The following NME8 variants were observed in gnomAD, a reference collection of about 807,000 sequenced individuals.
NME8 encodes the protein protein NME8.
In NME8, 72 loss-of-function variants were observed where a neutral mutation model predicts 82.3. That is an observed-to-expected ratio of 0.87 (90% CI 0.72 to 1.06). NME8 has a LOEUF of 1.06. Among genes scored for constraint, NME8 ranks in the 50% least tolerant of loss-of-function variants. NME8 has a pLI of 0.00. For synonymous variants in NME8, 267 were observed against 228.5 expected, an observed-to-expected ratio of 1.17 and a Z score of -1.52; for missense variants, 712 against 685.4, an observed-to-expected ratio of 1.04 and a Z score of -0.43.
intron 12 of NME8, among the ~76,000 whole-genome samples, chr7:37,883,721 T>C (rs964526536): frequency 1.3e-5 from 2 of 152,160 alleles, no homozygotes; most frequent in African/African-American, 4.8e-5. Context: ...ATAAATATCA[T>C]TGACCATAGC....
At position 37,864,396 on chromosome 7, in the gene NME8, A is replaced by G; in HGVS notation, c.503A>G (p.Lys168Arg). Residue 168 changes from lysine (K) to arginine (R), a missense_variant, in exon 9 of 18, where the codon AAA (lysine) becomes AGA (arginine). Transcript: ENST00000199447. ...AIIKPDAVIS[K>R]KVLEIKRKIT... ...ATCAAACCGGATGCTGTGATTAGTA[A>G]AAAAGTTCTAGAAATTAAAAGAAAA... 1.3e-6 allele frequency: 2 copies of G among 1,587,232 alleles called. No homozygotes were observed. Among genetic ancestry groups the G allele is most frequent in the Non-Finnish European group, 1.7e-6 (2 of 1,159,214 alleles).
intron 11 of NME8, among the ~76,000 whole-genome samples, chr7:37,870,450 G>A (rs977129893): frequency 4.6e-5 from 7 of 151,864 alleles, no homozygotes; most frequent in Admixed American, 3.9e-4. Context: ...TTAGCTGGGT[G>A]TGGTGGTGCA....
At chr7:37,894,426 G>A in intron 15 of NME8, 40 bp from the exon 16 acceptor site, 1 of 1,597,068 alleles carries the variant, frequency 6.3e-7, no homozygotes. Flanking sequence ...GAGGAAAAGT[G>A]AAGCAATCTG....
chr7:37,861,979 G>A lies in NME8; in HGVS notation c.271-49G>A, dbSNP rs2249451. On this transcript the variant is annotated intron_variant, in intron 6 of 17. Transcript: ENST00000199447. ...AGTCCAGTTTAAGTGTTAGTTCTTG[G>A]TGTGTTCTCCAAATGAAAGTTCCCC... 1,049,056 of 1,142,696 alleles carry A rather than the reference G, an allele frequency of 0.92. 483,977 individuals are homozygous for A. Among genetic ancestry groups the A allele is most frequent in the Middle Eastern group, 0.95 (4,901 of 5,156 alleles). 70.8% of individuals were successfully genotyped at this position (1,142,696 alleles called of 1,614,324 possible). A position where few individuals can be genotyped will look rare whatever the true frequency, so the allele number is the denominator to read the frequency against.
In NME8 at chr7:37,867,730, T is replaced by C. The variant is rs146829478; in HGVS notation, c.650T>C (p.Met217Thr). 3.5e-5 allele frequency: 56 copies of C among 1,613,524 alleles called. 1 individual carries two copies. In the East Asian group the frequency reaches 1.2e-3, roughly 34 times the overall value. ...QCDFEEFVSF[M>T]TSGLSYILVV... is the part of the protein sequence containing the mutation. ...GACTTCGAAGAGTTTGTCTCTTTTA[T>C]GACAAGTGGCTTAAGCTATATTCTA... The change falls in exon 11 of 18, where the codon ATG (methionine) becomes ACG (threonine). Residue 217 changes from methionine (M) to threonine (T), a missense_variant. Transcript: ENST00000199447.
chr7:37,884,247 G>A lies in NME8; in HGVS notation c.995-56G>A, dbSNP rs1993052. On this transcript the variant is annotated intron_variant, in intron 12 of 17. Coordinates refer to ENST00000199447, the MANE Select transcript of NME8 (RefSeq NM_016616.5). Reference sequence around the variant, plus strand: ...CTCATGATAGTATATTATGTATTGTGTACATAACCAGTAATCTACCAGTTT... The same window carrying A: ...CTCATGATAGTATATTATGTATTGTATACATAACCAGTAATCTACCAGTTT... The A allele has an allele frequency of 0.49, 584,576 of 1,186,340 alleles. 146,914 individuals carry two copies. Among genetic ancestry groups the A allele is most frequent in the East Asian group, 0.73 (31,198 of 42,472 alleles). The allele number at this position is 1,186,340 out of a possible 1,614,324, so 73.5% of individuals were successfully genotyped here.
At chr7:37,876,441 T>C (rs1219160761) in intron 11 of NME8, among the ~76,000 whole-genome samples, 1 of 152,020 alleles carries the variant, frequency 6.6e-6, no homozygotes, top group Non-Finnish European at 1.5e-5. Flanking sequence ...TTGGAAATGT[T>C]CATTTGAAAA....
At position 37,858,300 on chromosome 7, in the gene NME8, T is replaced by A. The variant is rs118063635; in HGVS notation, c.270+955T>A. Among the ~76,000 whole-genome samples, 20 of 152,312 alleles carry A rather than the reference T, an allele frequency of 1.3e-4. No homozygotes were observed. In the East Asian group the frequency reaches 3.9e-3, roughly 29 times the overall value. On this transcript the variant is annotated intron_variant, in intron 6 of 17. Coordinates refer to ENST00000199447, the MANE Select transcript of NME8 (RefSeq NM_016616.5). Reference sequence around the variant, plus strand: ...TAAAAACACATCTTGGATATAACTTTTTTCTGCTATTAAACAATATTCTTG... The same window carrying A: ...TAAAAACACATCTTGGATATAACTTATTTCTGCTATTAAACAATATTCTTG...
chr7:37,896,788 T>C lies in NME8; in HGVS notation c.1545-82T>C, dbSNP rs1365035413. The C allele has an allele frequency of 6.0e-6, 7 of 1,161,746 alleles. No individual in the cohort carries two copies. The East Asian group carries it at 1.6e-4, about 27-fold the overall frequency. The allele number at this position is 1,161,746 out of a possible 1,614,324, so 72.0% of individuals were successfully genotyped here. On this transcript the variant is annotated intron_variant, in intron 16 of 17. Coordinates refer to ENST00000199447, the MANE Select transcript of NME8 (RefSeq NM_016616.5). Reference sequence around the variant, plus strand: ...TAAAAAGGAGCTCCCTGGCTCAGGCTGCAGTGTTCTGTCTTTAGCCTTGTT... The same window carrying C: ...TAAAAAGGAGCTCCCTGGCTCAGGCCGCAGTGTTCTGTCTTTAGCCTTGTT...
chr7:37,897,087 A>T lies in NME8; in HGVS notation c.1762A>T (p.Asn588Tyr). Residue 588 changes from asparagine (N) to tyrosine (Y), a missense_variant, in exon 17 of 18, where the codon AAC becomes TAC. By Grantham distance (143) the Asn-to-Tyr change is moderately radical. Transcript: ENST00000199447. ...TAGACTCTTTGAGGATCCTGAGGAA[A>T]ACTAAAGTATATACTGTGAAGTACG... ...VNRLFEDPEE[N>Y] 1 of 1,601,462 alleles carries T rather than the reference A, an allele frequency of 6.2e-7. No individual in the cohort carries two copies. Among genetic ancestry groups the T allele is most frequent in the Non-Finnish European group, 8.6e-7 (1 of 1,168,510 alleles).
At chr7:37,873,822 C>T (rs1477420075) in intron 11 of NME8, among the ~76,000 whole-genome samples, 2 of 152,188 alleles carry the variant, frequency 1.3e-5, no homozygotes, top group East Asian at 3.8e-4. Context: ...ATTAGGAGTG[C>T]TGGTACATGG....
intron 11 of NME8, among the ~76,000 whole-genome samples, chr7:37,870,794 T>G (rs1184908293): frequency 6.6e-6 from 1 of 151,966 alleles, no homozygotes; most frequent in Non-Finnish European, 1.5e-5. Context: ...TAATATACTT[T>G]TTGTCTGTTG....
intron 7 of NME8, 49 bp downstream of exon 7, chr7:37,862,193 G>A: frequency 1.5e-6 from 2 of 1,292,664 alleles, no homozygotes; most frequent in South Asian, 1.2e-5. Flanking sequence ...ATCATTTAGA[G>A]TGAAATAGAA....
chr7:37,891,241 C>A (rs888004986), intron 15 of NME8, among the ~76,000 whole-genome samples: 3 of 151,756 alleles, frequency 2.0e-5, no homozygotes, highest in Non-Finnish European at 4.4e-5. Flanking sequence ...TCTCTTCACT[C>A]TTGATTTTTT....
At chr7:37,876,593 C>T (rs1043655874) in intron 11 of NME8, among the ~76,000 whole-genome samples, 2 of 152,008 alleles carry the variant, frequency 1.3e-5, no homozygotes, top group Non-Finnish European at 2.9e-5. Flanking sequence ...TGTTTATTCT[C>T]TCATAAAGTC....
chr7:37,894,363 A>G, intron 15 of NME8, 103 bp from the exon 16 acceptor site: 4 of 1,234,656 alleles, frequency 3.2e-6, no homozygotes, highest in Non-Finnish European at 4.7e-6. Context: ...TTAAACCACA[A>G]TATGCAAATT....
In NME8 at chr7:37,850,684, C is replaced by T. The variant is rs1181732109; in HGVS notation, c.147C>T (p.Phe49=). 3 of 1,613,814 alleles carry T rather than the reference C, an allele frequency of 1.9e-6. No individual in the cohort carries two copies. The highest frequency in any genetic ancestry group is 2.5e-6 in the Non-Finnish European group (3 of 1,179,738). ...CGPCRAMQPL[F]RKLKNELNED... The stretch of plus-strand genomic sequence containing the variant: ...CTTGCAGAGCAATGCAACCTTTATT[C>T]AGAAAATTGAAAAATGAACTGAACG... Residue 49 remains phenylalanine, a synonymous_variant, in exon 5 of 18, where the codon TTC becomes TTT. Transcript: ENST00000199447.
intron 12 of NME8, 75 bp downstream of exon 12, chr7:37,877,082 T>G (rs1784867136): frequency 8.1e-7 from 1 of 1,232,026 alleles, no homozygotes; most frequent in African/African-American, 1.5e-5. Context: ...TAATTGCATT[T>G]AAAGACATTG....
intron 6 of NME8, 35 bp from the exon 7 acceptor site, chr7:37,861,993 T>C: frequency 7.4e-7 from 1 of 1,358,802 alleles, no homozygotes; most frequent in Non-Finnish European, 1.1e-6. Context: ...GTTCTCCAAA[T>C]GAAAGTTCCC....
Sources: allele counts gnomAD v4.1 joint callset (sites outside exome capture counted in the v4.1 genomes callset), GRCh38; gene constraint gnomAD v4.1.1; transcripts MANE v1.5; gene names NCBI Gene and HGNC (gene_info 2026-07-23, HGNC 2026-07-21).